The following ST6GALNAC3 variants were observed in gnomAD, a reference collection of about 807,000 sequenced individuals.
The protein encoded by ST6GALNAC3 is ST6 N-acetylgalactosaminide alpha-2,6-sialyltransferase 3, also known as alpha-N-acetylgalactosaminide alpha-2,6-sialyltransferase 3.
Under a neutral mutation model 32.7 loss-of-function variants are expected in ST6GALNAC3, and 25 were observed. The ratio of observed to expected loss-of-function variants is 0.76; its 90% confidence interval spans 0.56 to 1.07. The LOEUF is 1.07. Among genes scored for constraint, ST6GALNAC3 ranks in the 50% least tolerant of loss-of-function variants. The pLI is 0.00. For missense variants in ST6GALNAC3, 355 were observed against 382.4 expected, an observed-to-expected ratio of 0.93 and a Z score of 0.60; for synonymous variants, 129 against 133.1, an observed-to-expected ratio of 0.97 and a Z score of 0.21.
chr1:76,145,125 C>T (rs1650594649), intron 1 of ST6GALNAC3, among the ~76,000 whole-genome samples: 1 of 152,210 alleles, frequency 6.6e-6, no homozygotes, highest in African/African-American at 2.4e-5. Flanking sequence ...GAGAGCCTGT[C>T]ACCAACCCTC....
intron 1 of ST6GALNAC3, among the ~76,000 whole-genome samples, chr1:76,276,623 A>G (rs1255579647): frequency 6.6e-6 from 1 of 152,116 alleles, no homozygotes; most frequent in South Asian, 2.1e-4. Flanking sequence ...AATGTTGCCA[A>G]TCTTCTCTTA....
At chr1:76,165,769 T>C (rs748073406) in intron 1 of ST6GALNAC3, among the ~76,000 whole-genome samples, 9 of 152,230 alleles carry the variant, frequency 5.9e-5, no homozygotes, top group Non-Finnish European at 1.2e-4. Flanking sequence ...AAATAATCAG[T>C]GATGCTGAGT....
chr1:76,602,700 A>T (rs888455597), intron 3 of ST6GALNAC3, among the ~76,000 whole-genome samples: 1 of 152,050 alleles, frequency 6.6e-6, no homozygotes, highest in East Asian at 1.9e-4. Context: ...ATTTATTTTT[A>T]ATTTTATTAA....
At chr1:76,154,365 TGAAGTCCCC>T (rs1651255159) in intron 1 of ST6GALNAC3, among the ~76,000 whole-genome samples, 1 of 152,196 alleles carries the variant, frequency 6.6e-6, no homozygotes, top group South Asian at 2.1e-4. Flanking sequence ...TGTTTCTTAG[TGAAGTCCCC>T]GAAGAGCACT....
chr1:76,176,295 T>C (rs1268807825), intron 1 of ST6GALNAC3, among the ~76,000 whole-genome samples: 1 of 152,226 alleles, frequency 6.6e-6, no homozygotes, highest in Non-Finnish European at 1.5e-5. Context: ...CATCAGTATT[T>C]CACCTGCTCA....
chr1:76,406,667 A>G (rs1027975850), intron 2 of ST6GALNAC3, among the ~76,000 whole-genome samples: 2 of 152,086 alleles, frequency 1.3e-5, no homozygotes, highest in African/African-American at 4.8e-5. Context: ...TAAATATAAT[A>G]GTGAGCAAGA....
intron 2 of ST6GALNAC3, among the ~76,000 whole-genome samples, chr1:76,345,810 T>G (rs894098195): frequency 6.6e-6 from 1 of 152,016 alleles, no homozygotes; most frequent in African/African-American, 2.4e-5. Flanking sequence ...CTCTCTCTCT[T>G]GCTCCCTCCA....
intron 3 of ST6GALNAC3, among the ~76,000 whole-genome samples, chr1:76,521,176 C>T (rs1662509462): frequency 6.6e-6 from 1 of 151,980 alleles, no homozygotes; most frequent in African/African-American, 2.4e-5. Flanking sequence ...CCTTATAACA[C>T]TTTAACTTCA....
chr1:76,163,191 A>G (rs1407301094), intron 1 of ST6GALNAC3, among the ~76,000 whole-genome samples: 1 of 152,210 alleles, frequency 6.6e-6, no homozygotes, highest in African/African-American at 2.4e-5. Context: ...TCAGTGCTAT[A>G]TAGATCAACA....
intron 3 of ST6GALNAC3, among the ~76,000 whole-genome samples, chr1:76,416,662 C>G (rs1205370789): frequency 7.7e-6 from 1 of 130,342 alleles, no homozygotes; most frequent in African/African-American, 2.9e-5. Context: ...GAGTCTCACT[C>G]TGTCACCCAG....
At chr1:76,156,403 G>A (rs1053407038) in intron 1 of ST6GALNAC3, among the ~76,000 whole-genome samples, 1 of 151,954 alleles carries the variant, frequency 6.6e-6, no homozygotes, top group African/African-American at 2.4e-5. Flanking sequence ...AAACATTTTT[G>A]AAATTTCTCT....
chr1:76,153,817 C>T (rs942903080), intron 1 of ST6GALNAC3, among the ~76,000 whole-genome samples: 3 of 152,150 alleles, frequency 2.0e-5, no homozygotes, highest in African/African-American at 7.2e-5. Flanking sequence ...TGAGCCCCTT[C>T]CCTTCTCGTT....
intron 1 of ST6GALNAC3, among the ~76,000 whole-genome samples, chr1:76,153,182 G>A (rs531140221): frequency 7.2e-5 from 11 of 152,254 alleles, no homozygotes; most frequent in East Asian, 1.9e-4. Flanking sequence ...GGAAAATGAC[G>A]TAACATCCTT....
At chr1:76,202,887 A>G (rs1290439644) in intron 1 of ST6GALNAC3, among the ~76,000 whole-genome samples, 2 of 152,134 alleles carry the variant, frequency 1.3e-5, no homozygotes, top group African/African-American at 4.8e-5. Flanking sequence ...TTTAATTGTG[A>G]CGAAATCAAC....
intron 1 of ST6GALNAC3, among the ~76,000 whole-genome samples, chr1:76,221,420 C>T (rs971579927): frequency 5.9e-5 from 9 of 152,204 alleles, no homozygotes; most frequent in African/African-American, 1.7e-4. Context: ...TCTATCACCA[C>T]GACATGGATC....
At chr1:76,557,023 T>C (rs917559525) in intron 3 of ST6GALNAC3, among the ~76,000 whole-genome samples, 7 of 151,962 alleles carry the variant, frequency 4.6e-5, no homozygotes, top group African/African-American at 1.7e-4. Flanking sequence ...AGGTCTATTA[T>C]CTATTTTGAG....
intron 1 of ST6GALNAC3, among the ~76,000 whole-genome samples, chr1:76,168,046 C>T (rs937267820): frequency 1.3e-5 from 2 of 151,954 alleles, no homozygotes; most frequent in African/African-American, 4.8e-5. Context: ...ATTGTTTGCT[C>T]TAGATTCTCT....
chr1:76,551,464 T>C (rs1014543122), intron 3 of ST6GALNAC3, among the ~76,000 whole-genome samples: 3 of 147,044 alleles, frequency 2.0e-5, no homozygotes, highest in African/African-American at 8.2e-5. Context: ...GTTGTTGCTA[T>C]TGTGAATAAG....
intron 3 of ST6GALNAC3, among the ~76,000 whole-genome samples, chr1:76,434,469 C>G (rs1205707514): frequency 6.6e-6 from 1 of 152,096 alleles, no homozygotes; most frequent in Non-Finnish European, 1.5e-5. Flanking sequence ...TATTGAACAG[C>G]TGTGTACTAA....
Sources: gnomAD v4.1 joint callset for allele counts (sites outside exome capture counted in the v4.1 genomes callset) on GRCh38, gnomAD v4.1.1 for gene constraint, MANE v1.5 for transcripts, NCBI Gene and HGNC (gene_info 2026-07-23, HGNC 2026-07-21) for gene names.